The following SDHD variants were observed in gnomAD, a reference collection of about 807,000 sequenced individuals.
The protein encoded by SDHD is succinate dehydrogenase complex subunit D, also known as succinate dehydrogenase [ubiquinone] cytochrome b small subunit, mitochondrial.
In SDHD, 6 loss-of-function variants were observed where a neutral mutation model predicts 18.7. The ratio of observed to expected loss-of-function variants is 0.32; its 90% CI spans 0.18 to 0.63. The LOEUF (loss-of-function observed/expected upper bound fraction) is 0.63. Ranked by LOEUF, SDHD falls within the 30% of genes least tolerant of loss-of-function variation. The pLI, the probability that SDHD is intolerant of heterozygous loss-of-function variation, is 0.79. For synonymous variants in SDHD, 56 were observed against 73.9 expected, an observed-to-expected ratio of 0.76 and a Z score of 1.24; for missense variants, 160 against 192.7, an observed-to-expected ratio of 0.83 and a Z score of 1.00.
In SDHD at chr11:112,088,956, C is replaced by G; in HGVS notation, c.259C>G (p.Pro87Ala). 1 of 1,614,100 alleles carries G rather than the reference C, an allele frequency of 6.2e-7. No individual in the cohort carries two copies. Residue 87 changes from proline (P) to alanine (A), a missense_variant, in exon 3 of 4, where the codon CCT becomes GCT. Transcript: ENST00000375549. ...TCTGCTTCCGGCTGCTTATTTGAAT[C>G]CTTGCTCTGCGATGGACTATTCCCT... ...LGLLPAAYLN[P>A]CSAMDYSLAA... is the part of the protein sequence containing the mutation.
At position 112,088,830 on chromosome 11, in the gene SDHD, C is replaced by T. The variant is rs767170188; in HGVS notation, c.170-37C>T. The T allele has an allele frequency of 6.2e-7, 1 of 1,611,468 alleles. No individual in the cohort carries two copies. Among genetic ancestry groups the T allele is most frequent in the Non-Finnish European group, 8.5e-7 (1 of 1,179,500 alleles). Reference sequence around the variant, plus strand: ...TGTTGAACATGAAAGATGTGTGTTTCTCACATCAACTTTTATGAATCTGGT... The same window carrying T: ...TGTTGAACATGAAAGATGTGTGTTTTTCACATCAACTTTTATGAATCTGGT... On this transcript the variant is annotated intron_variant, in intron 2 of 3. Coordinates refer to ENST00000375549, the MANE Select transcript of SDHD (RefSeq NM_003002.4).
rs1183512273 is a variant in SDHD at position 112,095,203 on chromosome 11, TC to T, written c.*236del. The T allele has an allele frequency of 1.9e-6, 1 of 539,968 alleles. No homozygotes were observed. Among genetic ancestry groups the T allele is most frequent in the Non-Finnish European group, 3.3e-6 (1 of 299,740 alleles). 33.4% of individuals were successfully genotyped at this position (539,968 alleles called of 1,614,324 possible). ...ATTCTGGTGAGTTAATGGGGTTGCCTCCCAGCTTCTTATAAGACTCACAGTA... is the reference window on the plus strand; with the variant it reads ...ATTCTGGTGAGTTAATGGGGTTGCCTCCAGCTTCTTATAAGACTCACAGTA... On this transcript the variant is annotated 3_prime_UTR_variant, in exon 4 of 4. Coordinates refer to ENST00000375549, the MANE Select transcript of SDHD (RefSeq NM_003002.4).
intron 1 of SDHD, 126 bp downstream of exon 1, chr11:112,087,085 G>A: frequency 9.5e-7 from 1 of 1,054,926 alleles, no homozygotes; most frequent in Non-Finnish European, 1.4e-6. Context: ...TCACAGCAAT[G>A]ACCACTGTAG....
At chr11:112,093,176 C>A in intron 3 of SDHD, 1 of 364,200 alleles carries the variant, frequency 2.7e-6, no homozygotes, top group Non-Finnish European at 5.4e-6. Context: ...AAGCGATTCT[C>A]CTGCCTCAGC....
intron 3 of SDHD, among the ~76,000 whole-genome samples, chr11:112,090,604 T>A (rs1156501992): frequency 6.6e-6 from 1 of 152,208 alleles, no homozygotes; most frequent in East Asian, 1.9e-4. Flanking sequence ...GGAGAGTATC[T>A]TAACCAACTC....
At chr11:112,088,021 C>A in intron 2 of SDHD, 48 bp downstream of exon 2, 2 of 1,274,566 alleles carry the variant, frequency 1.6e-6, no homozygotes, top group Non-Finnish European at 2.3e-6. Flanking sequence ...GCCATCTTTA[C>A]CTTCACTAAT....
In SDHD at chr11:112,094,971, C is replaced by T. The variant is rs1566703051; in HGVS notation, c.*1C>T. The T allele has an allele frequency of 6.2e-7, 1 of 1,610,290 alleles. No homozygotes were observed. Among genetic ancestry groups the T allele is most frequent in the East Asian group, 2.2e-5 (1 of 44,880 alleles). On this transcript the variant is annotated 3_prime_UTR_variant, in exon 4 of 4. Transcript: ENST00000375549. ...TGTTGCCATGCTGTGGAAGCTCTGA[C>T]CTTTTTGACTTCATACTTTGAAGAA...
At chr11:112,087,092 G>A in intron 1 of SDHD, 133 bp downstream of exon 1, 1 of 979,638 alleles carries the variant, frequency 1.0e-6, no homozygotes, top group Non-Finnish European at 1.6e-6. Context: ...AATGACCACT[G>A]TAGTCTAGGG....
chr11:112,087,462 T>A (rs1324949671), intron 1 of SDHD, among the ~76,000 whole-genome samples: 1 of 152,196 alleles, frequency 6.6e-6, no homozygotes, highest in Non-Finnish European at 1.5e-5. Context: ...GAGCTTTCAT[T>A]CTGATGAGGA....
At chr11:112,087,356 G>T (rs1865633264) in intron 1 of SDHD, among the ~76,000 whole-genome samples, 1 of 152,146 alleles carries the variant, frequency 6.6e-6, no homozygotes, top group African/African-American at 2.4e-5. Flanking sequence ...GGGGGGATCA[G>T]TTCGAAAATC....
chr11:112,095,361 CTT>C lies in SDHD; in HGVS notation c.*392_*393del. ...GGAATAATGGACAAAGGGAAATACT[CTT>C]AATTCATGAATAAAAACTTTGCAGA... On this transcript the variant is annotated 3_prime_UTR_variant, in exon 4 of 4. Coordinates refer to ENST00000375549, the MANE Select transcript of SDHD (RefSeq NM_003002.4). The C allele has an allele frequency of 6.4e-6, 2 of 311,850 alleles. No individual in the cohort carries two copies. Among genetic ancestry groups the C allele is most frequent in the East Asian group, 4.8e-5 (1 of 20,706 alleles). 19.3% of individuals were successfully genotyped at this position (311,850 alleles called of 1,614,324 possible). A position where few individuals can be genotyped will look rare whatever the true frequency, so the allele number is the denominator to read the frequency against.
chr11:112,087,091 T>A, intron 1 of SDHD, 132 bp downstream of exon 1: 2 of 1,003,918 alleles, frequency 2.0e-6, no homozygotes, highest in Non-Finnish European at 3.1e-6. Context: ...CAATGACCAC[T>A]GTAGTCTAGG....
chr11:112,091,789 G>A (rs1011290763), intron 3 of SDHD, among the ~76,000 whole-genome samples: 1 of 152,044 alleles, frequency 6.6e-6, no homozygotes, highest in Non-Finnish European at 1.5e-5. Flanking sequence ...AGTCTGAATC[G>A]GCCAGGCGTG....
chr11:112,093,773 A>G (rs940104083), intron 3 of SDHD, among the ~76,000 whole-genome samples: 1 of 152,190 alleles, frequency 6.6e-6, no homozygotes, highest in African/African-American at 2.4e-5. Flanking sequence ...CTCCAGCCAC[A>G]CAAATCTTAC....
chr11:112,089,275 A>C (rs776785885), intron 3 of SDHD, among the ~76,000 whole-genome samples: 17 of 151,980 alleles, frequency 1.1e-4, no homozygotes, highest in Non-Finnish European at 1.5e-5. Context: ...TTCCTCCTGC[A>C]CTCTTGCCCC....
At chr11:112,093,186 C>A (rs987718317) in intron 3 of SDHD, 15 of 354,006 alleles carry the variant, frequency 4.2e-5, no homozygotes, top group Non-Finnish European at 7.3e-5. Context: ...CCTGCCTCAG[C>A]CTCCCAAGTA....
intron 3 of SDHD, among the ~76,000 whole-genome samples, chr11:112,090,479 G>T (rs1044972987): frequency 2.6e-5 from 4 of 152,124 alleles, no homozygotes; most frequent in African/African-American, 9.7e-5. Flanking sequence ...TAAAATGAGG[G>T]TAAATGACAG....
intron 3 of SDHD, among the ~76,000 whole-genome samples, chr11:112,089,592 C>T (rs887909482): frequency 6.6e-6 from 1 of 152,204 alleles, no homozygotes; most frequent in African/African-American, 2.4e-5. Context: ...CTCTCATTCA[C>T]ACTGCCTTCC....
chr11:112,090,624 A>G (rs1865726662), intron 3 of SDHD, among the ~76,000 whole-genome samples: 1 of 152,060 alleles, frequency 6.6e-6, no homozygotes, highest in Non-Finnish European at 1.5e-5. Context: ...CTTTTATTTT[A>G]CAGATTTGGA....
Sources: allele counts gnomAD v4.1 joint callset (sites outside exome capture counted in the v4.1 genomes callset), GRCh38; gene constraint gnomAD v4.1.1; transcripts MANE v1.5; gene names NCBI Gene and HGNC (gene_info 2026-07-23, HGNC 2026-07-21).